The following TMPRSS9 variants were observed in gnomAD, a reference collection of about 807,000 sequenced individuals.
TMPRSS9 encodes the protein transmembrane serine protease 9.
A neutral mutation model predicts 111.4 loss-of-function variants in TMPRSS9; 113 were observed. The observed-to-expected ratio is 1.01, with a 90% CI of 0.87 to 1.19. The LOEUF (loss-of-function observed/expected upper bound fraction) is 1.19, where lower values mean the gene tolerates loss of function less well. TMPRSS9 is among the 50% of genes most tolerant of loss of function. The pLI is 0.00. For missense variants in TMPRSS9, 1,803 were observed against 1,513.1 expected (o/e 1.19, Z -3.18); for synonymous variants, 805 against 659.1 (o/e 1.22, Z -3.39).
rs779340260 is a variant in TMPRSS9 at position 2,416,673 on chromosome 19, G to C, written c.1881G>C (p.Leu627=). ...ACCCTGGCATCCTGGACTTCGACCT[G>C]GCTGTCCTGGAGCTGGCCAGCCCCC... is the stretch of plus-strand genomic sequence containing the variant. The change falls in exon 12 of 18, where the codon CTG becomes CTC. Residue 627 remains leucine (L), a synonymous_variant. Coordinates refer to ENST00000648592, the Ensembl canonical transcript of TMPRSS9. The C allele has an allele frequency of 1.9e-6, 3 of 1,613,078 alleles. No homozygotes were observed. In the Admixed American group the frequency reaches 5.0e-5, roughly 27 times the overall value.
intron 1 of TMPRSS9, among the ~76,000 whole-genome samples, chr19:2,394,521 T>G (rs1467323772): frequency 6.6e-6 from 1 of 152,068 alleles, no homozygotes; most frequent in East Asian, 1.9e-4. Context: ...GAATCTGCAG[T>G]TGTTTAGAGT....
intron 1 of TMPRSS9, among the ~76,000 whole-genome samples, chr19:2,376,188 G>A (rs536544977): frequency 6.6e-6 from 1 of 152,186 alleles, no homozygotes; most frequent in Admixed American, 6.6e-5. Context: ...CCCTTGCTCG[G>A]GGCCCCTTCC....
chr19:2,422,187 G>A, exon 14 of TMPRSS9: 1 of 1,547,560 alleles, frequency 6.5e-7, no homozygotes. Context: ...GAGCACCACT[G>A]CTAGGGGACA....
intron 6 of TMPRSS9, among the ~76,000 whole-genome samples, 196 bp from the exon 8 acceptor site, chr19:2,405,178 C>T (rs573230285): frequency 6.6e-6 from 1 of 152,080 alleles, no homozygotes; most frequent in Admixed American, 6.6e-5. Flanking sequence ...ACCTACGTGC[C>T]AGGATGGGGC....
chr19:2,403,300 C>A (rs1489990943), intron 6 of TMPRSS9, 105 bp downstream of exon 7: 26 of 959,974 alleles, frequency 2.7e-5, no homozygotes, highest in Non-Finnish European at 6.4e-6. Context: ...GGCACACAGG[C>A]CTGGCATTTA....
At chr19:2,414,970 A>G (rs1243020303) in intron 10 of TMPRSS9, among the ~76,000 whole-genome samples, 5 of 121,278 alleles carry the variant, frequency 4.1e-5, no homozygotes, top group South Asian at 2.6e-4. Context: ...TCTGAGACGG[A>G]GTTTCACTCT....
At position 2,376,971 on chromosome 19, in the gene TMPRSS9, C is replaced by T. The variant is rs538016627; in HGVS notation, c.-25-12790C>T. ...GCGCCGGGGCAGAGGCACACCAGCGCGTGTCTGGCCCAGTGTGCCCAGAAC... is the reference window on the plus strand; with the variant it reads ...GCGCCGGGGCAGAGGCACACCAGCGTGTGTCTGGCCCAGTGTGCCCAGAAC... On this transcript the variant is annotated intron_variant, in intron 1 of 17. Coordinates refer to the TMPRSS9 transcript ENST00000649857. 4.6e-5 allele frequency among the ~76,000 whole-genome samples: 7 copies of T among 152,090 alleles called. 1 individual carries two copies. The highest frequency in any genetic ancestry group is 1.2e-4 in the African/African-American group (5 of 41,492).
At chr19:2,407,609 T>TTTTCTTTTCC (rs776161980) in intron 7 of TMPRSS9, among the ~76,000 whole-genome samples, 1 of 86,178 alleles carries the variant, frequency 1.2e-5, no homozygotes, top group Non-Finnish European at 2.2e-5. Flanking sequence ...TTTTCTTTTC[T>TTTTCTTTTCC]TTTTTTTTTT....
chr19:2,413,030 C>A (rs1163328798), intron 9 of TMPRSS9, among the ~76,000 whole-genome samples: 1 of 151,980 alleles, frequency 6.6e-6, no homozygotes, highest in Admixed American at 6.6e-5. Flanking sequence ...CCCGTCTCTA[C>A]TAAAAATACA....
At chr19:2,377,036 C>G (rs1330664581) in intron 1 of TMPRSS9, among the ~76,000 whole-genome samples, 6 of 151,726 alleles carry the variant, frequency 4.0e-5, no homozygotes, top group Middle Eastern at 3.4e-3. Flanking sequence ...GGCTCCCTCA[C>G]GCTGGCTTCT....
In TMPRSS9 at chr19:2,366,633, A is replaced by G. The variant is rs1051473727; in HGVS notation, c.-26+6273A>G. ...AGCACTTTGGGAGGCTGAGGAGGGC[A>G]GATCACAAGGTCAGGAGATCAAGAC... On this transcript the variant is annotated intron_variant, in intron 1 of 17. Coordinates refer to the TMPRSS9 transcript ENST00000649857. Among the ~76,000 whole-genome samples the G allele has an allele frequency of 2.8e-4, 42 of 151,474 alleles. 1 individual carries two copies. The highest frequency in any genetic ancestry group is 8.2e-4 in the African/African-American group (34 of 41,292).
At chr19:2,418,348 TCCCTCCCTCCCTC>T (rs1971325670) in intron 13 of TMPRSS9, among the ~76,000 whole-genome samples, 2 of 26,340 alleles carry the variant, frequency 7.6e-5, no homozygotes, top group African/African-American at 6.7e-4. Flanking sequence ...TCCCTCCCTT[TCCCTCCCTCCCTC>T]CCTTCCCTTC....
intron 1 of TMPRSS9, among the ~76,000 whole-genome samples, chr19:2,369,259 A>AAAC (rs1568465587): frequency 2.0e-5 from 3 of 152,048 alleles, no homozygotes; most frequent in Non-Finnish European, 4.4e-5. Context: ...CCAGGTTTTA[A>AAAC]AAAAAATTTT....
At chr19:2,379,724 T>TCTC (rs1568170929) in intron 1 of TMPRSS9, among the ~76,000 whole-genome samples, 84 of 149,938 alleles carry the variant, frequency 5.6e-4, no homozygotes, top group African/African-American at 2.0e-3. Context: ...CTTCCTCTTT[T>TCTC]TCTCTTTCTC....
chr19:2,425,789 A>T (rs1168388802), intron 17 of TMPRSS9, 138 bp from the exon 19 acceptor site: 43 of 1,319,824 alleles, frequency 3.3e-5, no homozygotes, highest in Non-Finnish European at 4.1e-5. Context: ...CCACCTTTGC[A>T]TTGAGCCCAT....
intron 4 of TMPRSS9, among the ~76,000 whole-genome samples, chr19:2,401,097 A>AC (rs1460737594): frequency 1.3e-5 from 2 of 149,404 alleles, no homozygotes; most frequent in Non-Finnish European, 3.0e-5. Context: ...ACACGGTGAA[A>AC]CCCCGTCTCT....
rs76437746 is a variant in TMPRSS9 at position 2,410,444 on chromosome 19, G to C, written c.1254+50G>C. ...CAGAAAAACACAGAAATAGACACGA[G>C]CATGTTCAAATGCTGAGCAATTCAC... On this transcript the variant is annotated intron_variant, in intron 9 of 17. Transcript: ENST00000648592. 3 of 1,604,002 alleles carry C rather than the reference G, an allele frequency of 1.9e-6. No homozygotes were observed. The South Asian group carries it at 3.3e-5, about 18-fold the overall frequency.
At chr19:2,401,890 G>C in intron 4 of TMPRSS9, 85 bp from the exon 6 acceptor site, 1 of 1,249,082 alleles carries the variant, frequency 8.0e-7, no homozygotes. Context: ...TTACAGGTGT[G>C]AGCCACCGCG....
exon 14 of TMPRSS9, chr19:2,422,077 C>T: frequency 6.2e-7 from 1 of 1,609,040 alleles, no homozygotes; most frequent in Non-Finnish European, 8.5e-7. Flanking sequence ...CCCAGGACGA[C>T]AGCTGGCCTC....
Sources: allele counts gnomAD v4.1 joint callset (sites outside exome capture counted in the v4.1 genomes callset), GRCh38; gene constraint gnomAD v4.1.1; transcripts MANE v1.5; gene names NCBI Gene and HGNC (gene_info 2026-07-23, HGNC 2026-07-21).